The following NCKAP1L variants were observed in gnomAD, a reference collection of about 807,000 sequenced individuals.
NCKAP1L encodes the protein nck-associated protein 1-like.
Under a neutral mutation model 139.2 loss-of-function variants are expected in NCKAP1L, and 53 were observed. The observed-to-expected ratio is 0.38, with a 90% confidence interval of 0.31 to 0.48. The LOEUF is 0.48. Ranked by LOEUF, NCKAP1L falls within the 20% of genes least tolerant of loss-of-function variation. The pLI, the probability that NCKAP1L is intolerant of heterozygous loss-of-function variation, is 0.98. For missense variants in NCKAP1L, 1,151 were observed against 1,381.9 expected, an observed-to-expected ratio of 0.83 and a Z score of 2.65; for synonymous variants, 468 against 499.7, an observed-to-expected ratio of 0.94 and a Z score of 0.85.
At chr12:54,532,580 G>A (rs181559949) in intron 26 of NCKAP1L, among the ~76,000 whole-genome samples, 23 of 152,278 alleles carry the variant, frequency 1.5e-4, no homozygotes, top group Admixed American at 1.3e-3. Context: ...GTGCAAACAA[G>A]TCCGCTCTTT....
chr12:54,512,448 G>A (rs1956896095), intron 9 of NCKAP1L: 1 of 214,640 alleles, frequency 4.7e-6, no homozygotes, highest in Non-Finnish European at 9.5e-6. Flanking sequence ...GATAATAGTA[G>A]TACCTCCCTA....
intron 19 of NCKAP1L, 57 bp from the exon 20 acceptor site, chr12:54,523,768 T>G: frequency 6.3e-7 from 1 of 1,582,318 alleles, no homozygotes; most frequent in Non-Finnish European, 8.6e-7. Flanking sequence ...AACACGTCCT[T>G]CCTAGACATT....
In NCKAP1L at chr12:54,516,197, G is replaced by A. The variant is rs116596608; in HGVS notation, c.942-42G>A. 3,816 of 1,610,848 alleles carry A rather than the reference G, an allele frequency of 2.4e-3. 62 individuals are homozygous for A. The African/African-American group carries it at 0.044, about 19-fold the overall frequency. On this transcript the variant is annotated intron_variant, in intron 9 of 30. Coordinates refer to ENST00000293373, the MANE Select transcript of NCKAP1L (RefSeq NM_005337.5). ...GGGAAGGTGAGGCAAGGGCCCTAAT[G>A]GGTAGCATGGTCAACCCCATTGTGC... is the stretch of plus-strand genomic sequence containing the variant.
At chr12:54,528,782 T>G (rs1754986642) in intron 22 of NCKAP1L, among the ~76,000 whole-genome samples, 1 of 149,178 alleles carries the variant, frequency 6.7e-6, no homozygotes, top group Non-Finnish European at 1.5e-5. Context: ...AATGCCACCA[T>G]GCTGGACTAA....
rs1335887152 is a variant in NCKAP1L at position 54,547,512 on chromosome 12, G to GTA, written c.*4828_*4829insAT. 6.6e-6 allele frequency: 1 copy of GTA among 151,530 alleles called. No homozygotes were observed. Among genetic ancestry groups the GTA allele is most frequent in the East Asian group, 1.9e-4 (1 of 5,184 alleles). 9.4% of individuals were successfully genotyped at this position (151,530 alleles called of 1,614,324 possible). A position where few individuals can be genotyped will look rare whatever the true frequency, so the allele number is the denominator to read the frequency against. Reference sequence around the variant, plus strand: ...ACTTTGTGTGTGTGTGCGTGTGTGTGTGTGTGTGTGTGTGTGTGTGTGAAT... The same window carrying GTA: ...ACTTTGTGTGTGTGTGCGTGTGTGTGTATGTGTGTGTGTGTGTGTGTGTGAAT... On this transcript the variant is annotated 3_prime_UTR_variant, in exon 31 of 31. Transcript: ENST00000293373.
rs71444855 is a variant in NCKAP1L, at chr12:54,528,797, T to TTA, written c.2506+434_2506+435dup. Among the ~76,000 whole-genome samples, 19 of 150,766 alleles carry TTA rather than the reference T, an allele frequency of 1.3e-4. No individual in the cohort carries two copies. In the East Asian group the frequency reaches 3.1e-3, roughly 25 times the overall value. On this transcript the variant is annotated intron_variant, in intron 22 of 30. Transcript: ENST00000293373. ...AATGCCACCATGCTGGACTAATTTT[T>TTA]TATATATATATATATTTTTAGTAGA...
In NCKAP1L at chr12:54,531,594, C is replaced by A; in HGVS notation, c.2698+10C>A. 1 of 1,613,726 alleles carries A rather than the reference C, an allele frequency of 6.2e-7. No homozygotes were observed. The highest frequency in any genetic ancestry group is 8.5e-7 in the Non-Finnish European group (1 of 1,179,662). ...CTGCCCCAGCTGACAGGTAAGCATC[C>A]TCTTCCCCTATAGTGAGAAGGAGCT... On this transcript the variant is annotated intron_variant, in intron 24 of 30. Coordinates refer to ENST00000293373, the MANE Select transcript of NCKAP1L (RefSeq NM_005337.5).
chr12:54,516,387 C>A, intron 10 of NCKAP1L, 92 bp downstream of exon 10: 1 of 1,184,972 alleles, frequency 8.4e-7, no homozygotes, highest in Non-Finnish European at 1.3e-6. Flanking sequence ...AGTTTCTGTA[C>A]AGCTTTATTG....
rs767968679 is a variant in NCKAP1L, at chr12:54,508,543, C to T, written c.506+12C>T. The T allele has an allele frequency of 6.8e-6, 11 of 1,613,392 alleles. No homozygotes were observed. The highest frequency in any genetic ancestry group is 2.7e-5 in the African/African-American group (2 of 74,846). On this transcript the variant is annotated intron_variant, in intron 5 of 30. Transcript: ENST00000293373. ...CTGCATGGGCATGGGTGAGTTAAGG[C>T]GAGAGTATTATATGAAGAGTCTCAT... is the stretch of plus-strand genomic sequence containing the variant.
intron 21 of NCKAP1L, among the ~76,000 whole-genome samples, chr12:54,527,605 C>A (rs1206211863): frequency 6.6e-6 from 1 of 152,226 alleles, no homozygotes; most frequent in Non-Finnish European, 1.5e-5. Context: ...TTCAGCCCCT[C>A]TTCCCCTGTC....
chr12:54,526,824 C>G, intron 21 of NCKAP1L, 78 bp downstream of exon 21: 1 of 1,273,466 alleles, frequency 7.9e-7, no homozygotes, highest in Non-Finnish European at 1.1e-6. Context: ...CCTCAGGGCC[C>G]GAGCATTTTA....
chr12:54,545,710 T>C lies in NCKAP1L; in HGVS notation c.*3025T>C, dbSNP rs979036206. 9.9e-5 allele frequency: 15 copies of C among 152,256 alleles called. No individual in the cohort carries two copies. The highest frequency in any genetic ancestry group is 3.6e-4 in the African/African-American group (15 of 41,472). The allele number at this position is 152,256 out of a possible 1,614,324, so 9.4% of individuals were successfully genotyped here. The stretch of plus-strand genomic sequence containing the variant: ...ATGGATATCAGAAATCTCACCCCAA[T>C]TGTTTTGTCTTACAGGCACAGAATA... On this transcript the variant is annotated 3_prime_UTR_variant, in exon 31 of 31. Transcript: ENST00000293373.
chr12:54,537,896 T>G (rs771646575), intron 29 of NCKAP1L, among the ~76,000 whole-genome samples: 8 of 152,306 alleles, frequency 5.3e-5, no homozygotes, highest in Non-Finnish European at 4.4e-5. Flanking sequence ...AAATTTGACT[T>G]CCTGTAACTC....
Position 54,544,729 on chromosome 12 carries a change from T to C in NCKAP1L, c.*2044T>C, listed in dbSNP as rs1332444794. 1 of 152,372 alleles carries C rather than the reference T, an allele frequency of 6.6e-6. No homozygotes were observed. Among genetic ancestry groups the C allele is most frequent in the African/African-American group, 2.4e-5 (1 of 41,472 alleles). 9.4% of individuals were successfully genotyped at this position (152,372 alleles called of 1,614,324 possible). On this transcript the variant is annotated 3_prime_UTR_variant, in exon 31 of 31. Transcript: ENST00000293373. ...AACATACAGAACAGGCCGGGCGCAGTGGCTCACGCCTGTAATCCCAGCACT... is the reference window on the plus strand; with the variant it reads ...AACATACAGAACAGGCCGGGCGCAGCGGCTCACGCCTGTAATCCCAGCACT...
intron 1 of NCKAP1L, 111 bp from the exon 2 acceptor site, chr12:54,499,244 T>G: frequency 3.0e-6 from 2 of 670,764 alleles, no homozygotes; most frequent in Non-Finnish European, 5.3e-6. Flanking sequence ...TTTAAATTAG[T>G]TCCCAGGTTG....
intron 22 of NCKAP1L, among the ~76,000 whole-genome samples, chr12:54,530,606 A>T (rs78022706): frequency 6.6e-6 from 1 of 152,214 alleles, no homozygotes; most frequent in African/African-American, 2.4e-5. Context: ...AAATAGTTGT[A>T]TCTGCTGGGA....
At chr12:54,524,096 T>C (rs1331194156) in intron 20 of NCKAP1L, 140 bp downstream of exon 20, 1 of 906,706 alleles carries the variant, frequency 1.1e-6, no homozygotes, top group Admixed American at 2.5e-5. Context: ...GAGATTCTGT[T>C]GCAGTCAGTC....
chr12:54,526,561 G>C lies in NCKAP1L; in HGVS notation c.2190G>C (p.Thr730=). ...TGTGGCTGGCTGGCTACAATGCCAC[G>C]ACCCAGGAGATCGTACGGCCTTCTG... ...AIVWLAGYNA[T]TQEIVRPSEL... The change falls in exon 21 of 31, where the codon ACG becomes ACC. Residue 730 remains threonine, a synonymous_variant. Coordinates refer to ENST00000293373, the MANE Select transcript of NCKAP1L (RefSeq NM_005337.5). The C allele has an allele frequency of 1.9e-6, 3 of 1,613,624 alleles. No homozygotes were observed. In the South Asian group the frequency reaches 3.3e-5, roughly 18 times the overall value.
At chr12:54,532,057 C>G (rs1274891583) in intron 25 of NCKAP1L, 113 bp from the exon 26 acceptor site, 1 of 873,328 alleles carries the variant, frequency 1.1e-6, no homozygotes, top group Non-Finnish European at 1.7e-6. Flanking sequence ...GGAAAGCTGG[C>G]TAGGTTCTTA....
Sources: allele counts gnomAD v4.1 joint callset (sites outside exome capture counted in the v4.1 genomes callset), GRCh38; gene constraint gnomAD v4.1.1; transcripts MANE v1.5; gene names NCBI Gene and HGNC (gene_info 2026-07-23, HGNC 2026-07-21).